Variants in IKZF2 observed in about 807,000 individuals in gnomAD.
The protein encoded by IKZF2 is zinc finger protein Helios.
In IKZF2, 15 loss-of-function variants were observed where a neutral mutation model predicts 49.2. The ratio of observed to expected loss-of-function variants is 0.30; its 90% CI spans 0.20 to 0.47. The LOEUF is 0.47. Ranked by LOEUF, IKZF2 falls within the 20% of genes least tolerant of loss-of-function variation. IKZF2 has a pLI of 1.00. For synonymous variants in IKZF2, 227 were observed against 221.4 expected, an observed-to-expected ratio of 1.03 and a Z score of -0.23; for missense variants, 567 against 664.6, an observed-to-expected ratio of 0.85 and a Z score of 1.61.
chr2:213,039,758 G>C (rs1416410549), intron 6 of IKZF2, among the ~76,000 whole-genome samples: 1 of 152,022 alleles, frequency 6.6e-6, no homozygotes, highest in African/African-American at 2.4e-5. Flanking sequence ...TATGCTCAAT[G>C]CTGGTTCAAT....
intron 4 of IKZF2, among the ~76,000 whole-genome samples, chr2:213,086,639 G>A (rs1704641114): frequency 6.6e-6 from 1 of 152,098 alleles, no homozygotes; most frequent in African/African-American, 2.4e-5. Context: ...ACGACTACAG[G>A]GACTAGGAAC....
Position 213,002,836 on chromosome 2 carries a change from A to G in IKZF2, c.*4524T>C, listed in dbSNP as rs1695021031. ...AATGAATACTGTATTTTATTGACCA[A>G]AAAATTATCTAATAAATTCTTGTTT... On this transcript the variant is annotated 3_prime_UTR_variant, in exon 9 of 9. Transcript: ENST00000434687. The G allele has an allele frequency of 6.6e-6, 1 of 152,028 alleles. No homozygotes were observed. Among genetic ancestry groups the G allele is most frequent in the South Asian group, 2.1e-4 (1 of 4,828 alleles). The allele number at this position is 152,028 out of a possible 1,614,324, so 9.4% of individuals were successfully genotyped here.
At chr2:213,112,107 G>A (rs965290014) in intron 4 of IKZF2, among the ~76,000 whole-genome samples, 18 of 152,012 alleles carry the variant, frequency 1.2e-4, no homozygotes, top group Admixed American at 8.5e-4. Context: ...GATTATGTTT[G>A]ATAATTACAG....
chr2:213,066,474 T>C (rs1702176340), intron 4 of IKZF2, among the ~76,000 whole-genome samples: 1 of 152,086 alleles, frequency 6.6e-6, no homozygotes, highest in African/African-American at 2.4e-5. Context: ...CTACAAAAGT[T>C]CTTTCCCTGC....
intron 4 of IKZF2, among the ~76,000 whole-genome samples, chr2:213,094,763 A>G (rs1182189928): frequency 6.6e-6 from 1 of 152,188 alleles, no homozygotes; most frequent in Non-Finnish European, 1.5e-5. Context: ...AGCCACAGGT[A>G]AAGAAAGGCT....
chr2:213,007,787 G>C lies in IKZF2; in HGVS notation c.1154C>G (p.Ser385Cys). The C allele has an allele frequency of 6.2e-7, 1 of 1,613,666 alleles. No individual in the cohort carries two copies. Among genetic ancestry groups the C allele is most frequent in the Non-Finnish European group, 8.5e-7 (1 of 1,179,748 alleles). Residue 385 changes from serine to cysteine, a missense_variant, in exon 9 of 9, where the codon TCT becomes TGT. Physicochemically the swap from Ser to Cys is moderately radical, Grantham distance 112. Transcript: ENST00000434687. Reference sequence around the variant, plus strand: ...GGGTCGACTCTTTGGTCTGATGAGAGAGATGGGGCCATCCATGTTGTTTTC... The same window carrying C: ...GGGTCGACTCTTTGGTCTGATGAGACAGATGGGGCCATCCATGTTGTTTTC... ...SHENNMDGPI[S>C]LIRPKSRPQE...
intron 4 of IKZF2, among the ~76,000 whole-genome samples, chr2:213,142,302 C>CA (rs1559328297): frequency 6.6e-5 from 10 of 151,862 alleles, no homozygotes; most frequent in Non-Finnish European, 1.3e-4. Context: ...CTTTAAATAA[C>CA]GGAGGGTTCC....
intron 5 of IKZF2, among the ~76,000 whole-genome samples, chr2:213,053,888 G>C (rs2064267557): frequency 6.6e-6 from 1 of 152,198 alleles, no homozygotes; most frequent in Non-Finnish European, 1.5e-5. Flanking sequence ...GAAAGAAGAA[G>C]AGTGGATTCG....
At chr2:213,072,565 T>C (rs981384508) in intron 4 of IKZF2, among the ~76,000 whole-genome samples, 2 of 152,090 alleles carry the variant, frequency 1.3e-5, no homozygotes, top group East Asian at 1.9e-4. Flanking sequence ...AAGGCAAAGA[T>C]ACCTTTCTAC....
intron 6 of IKZF2, among the ~76,000 whole-genome samples, chr2:213,040,401 C>A (rs999178619): frequency 6.6e-6 from 1 of 152,004 alleles, no homozygotes; most frequent in African/African-American, 2.4e-5. Flanking sequence ...TCTTACTCAT[C>A]ATTTTTCTCT....
chr2:213,006,972 C>A lies in IKZF2; in HGVS notation c.*388G>T. 1 of 164,850 alleles carries A rather than the reference C, an allele frequency of 6.1e-6. No individual in the cohort carries two copies. The highest frequency in any genetic ancestry group is 1.3e-5 in the Non-Finnish European group (1 of 76,112). 10.2% of individuals were successfully genotyped at this position (164,850 alleles called of 1,614,324 possible). A position where few individuals can be genotyped will look rare whatever the true frequency, so the allele number is the denominator to read the frequency against. On this transcript the variant is annotated 3_prime_UTR_variant, in exon 9 of 9. Transcript: ENST00000434687. ...CCATTTTTAAACCACCAAAGTCCTA[C>A]CCAGAAAACTCTGAACTTTCCTGTC...
chr2:213,088,684 G>A (rs1704952312), intron 4 of IKZF2, among the ~76,000 whole-genome samples: 2 of 152,132 alleles, frequency 1.3e-5, no homozygotes. Flanking sequence ...CTTGAACCCA[G>A]AAGGCGGAGG....
chr2:213,147,634 C>T (rs758012465), intron 4 of IKZF2, 74 bp downstream of exon 4: 1 of 1,091,794 alleles, frequency 9.2e-7, no homozygotes, highest in South Asian at 1.2e-5. Flanking sequence ...GAGGACCCCA[C>T]AGACCTAACA....
intron 4 of IKZF2, among the ~76,000 whole-genome samples, chr2:213,124,265 CACACACACACACACACACA>C (rs1460033679): frequency 3.0e-4 from 22 of 72,266 alleles, no homozygotes; most frequent in African/African-American, 8.8e-4. Flanking sequence ...CACACACACA[CACACACACACACACACACA>C]CACACACACA....
At chr2:213,131,892 T>C (rs1201930107) in intron 4 of IKZF2, among the ~76,000 whole-genome samples, 1 of 152,166 alleles carries the variant, frequency 6.6e-6, no homozygotes, top group East Asian at 1.9e-4. Context: ...AACCAACACA[T>C]AGGGATATTA....
rs187961976 is a variant in IKZF2, at chr2:212,999,998, G to C, written c.*7362C>G. The stretch of plus-strand genomic sequence containing the variant: ...TACACAGTAACCACATACATGCACA[G>C]AACATGTATGTGTGTGCATTAAAAA... On this transcript the variant is annotated 3_prime_UTR_variant, in exon 9 of 9. Coordinates refer to ENST00000434687, the MANE Select transcript of IKZF2 (RefSeq NM_001387220.1). The C allele has an allele frequency of 6.6e-6, 1 of 151,722 alleles. No homozygotes were observed. The highest frequency in any genetic ancestry group is 1.5e-5 in the Non-Finnish European group (1 of 67,656). The allele number at this position is 151,722 out of a possible 1,614,324, so 9.4% of individuals were successfully genotyped here.
intron 3 of IKZF2, 39 bp from the exon 4 acceptor site, chr2:213,147,851 T>A (rs769676835): frequency 1.4e-6 from 2 of 1,474,960 alleles, no homozygotes; most frequent in African/African-American, 2.8e-5. Flanking sequence ...TTCTATTCAT[T>A]GTCACATAAG....
intron 8 of IKZF2, 87 bp downstream of exon 8, chr2:213,013,704 A>C: frequency 1.7e-6 from 2 of 1,205,568 alleles, no homozygotes; most frequent in Non-Finnish European, 2.3e-6. Flanking sequence ...GAACTGAAAC[A>C]CACCATATAT....
rs958770097 is a variant in IKZF2 at position 213,146,762 on chromosome 2, G to C, written c.139+946C>G. Reference sequence around the variant, plus strand: ...CTTTTCTTAGTTATTAAATCTTCGGGGGGGGGGAAGGAAAGAGAATGCCTT... The same window carrying C: ...CTTTTCTTAGTTATTAAATCTTCGGCGGGGGGGAAGGAAAGAGAATGCCTT... On this transcript the variant is annotated intron_variant, in intron 4 of 8. Coordinates refer to ENST00000434687, the MANE Select transcript of IKZF2 (RefSeq NM_001387220.1). Among the ~76,000 whole-genome samples, 53 of 134,456 alleles carry C rather than the reference G, an allele frequency of 3.9e-4. 4 individuals are homozygous for C. Among genetic ancestry groups the C allele is most frequent in the African/African-American group, 1.1e-3 (40 of 37,564 alleles). 88.2% of individuals were successfully genotyped at this position (134,456 alleles called of 152,430 possible). A position where few individuals can be genotyped will look rare whatever the true frequency, so the allele number is the denominator to read the frequency against.
Sources: gnomAD v4.1 joint callset for allele counts (sites outside exome capture counted in the v4.1 genomes callset) on GRCh38, gnomAD v4.1.1 for gene constraint, MANE v1.5 for transcripts, NCBI Gene and HGNC (gene_info 2026-07-23, HGNC 2026-07-21) for gene names.